Variants in CC2D2A observed in about 807,000 individuals in gnomAD.
CC2D2A encodes coiled-coil and C2 domain-containing protein 2A.
Under a neutral mutation model 212.9 loss-of-function variants are expected in CC2D2A, and 155 were observed. The observed-to-expected ratio is 0.73, with a 90% CI of 0.64 to 0.83. The LOEUF (loss-of-function observed/expected upper bound fraction) is 0.83, where lower values mean the gene tolerates loss of function less well. Ranked by LOEUF, CC2D2A falls within the 40% of genes least tolerant of loss-of-function variation. CC2D2A has a pLI of 0.00. For synonymous variants in CC2D2A, 667 were observed against 686.5 expected (o/e 0.97, Z 0.44); for missense variants, 1,856 against 1,956.2 (o/e 0.95, Z 0.97).
chr4:15,529,622 A>C (rs1236077203), intron 13 of CC2D2A, among the ~76,000 whole-genome samples: 10 of 152,064 alleles, frequency 6.6e-5, no homozygotes, highest in African/African-American at 2.4e-4. Context: ...CATGCTTTAA[A>C]GGCTGGAATT....
At chr4:15,556,732 G>A (rs560961198) in intron 20 of CC2D2A, among the ~76,000 whole-genome samples, 1 of 152,198 alleles carries the variant, frequency 6.6e-6, no homozygotes, top group African/African-American at 2.4e-5. Context: ...GCTTCTCAGA[G>A]GTGCCAGACT....
chr4:15,471,126 C>A (rs1713785779), intron 1 of CC2D2A, among the ~76,000 whole-genome samples: 1 of 152,114 alleles, frequency 6.6e-6, no homozygotes, highest in South Asian at 2.1e-4. Flanking sequence ...CTAAGGGAAA[C>A]TGCAGCTGGA....
chr4:15,537,752 C>T, intron 15 of CC2D2A, 147 bp from the exon 16 acceptor site: 1 of 745,796 alleles, frequency 1.3e-6, no homozygotes, highest in African/African-American at 1.8e-5. Flanking sequence ...ACAGAGAGGT[C>T]AGGTGGCTTA....
chr4:15,531,260 C>T (rs1210854216), intron 13 of CC2D2A, among the ~76,000 whole-genome samples: 4 of 152,184 alleles, frequency 2.6e-5, no homozygotes, highest in Non-Finnish European at 5.9e-5. Flanking sequence ...AATGGAACCT[C>T]TCAGCCTGCT....
chr4:15,533,221 C>T lies in CC2D2A; in HGVS notation c.1495C>T (p.Gln499Ter). 6.3e-7 allele frequency: 1 copy of T among 1,586,582 alleles called. No individual in the cohort carries two copies. Among genetic ancestry groups the T allele is most frequent in the Non-Finnish European group, 8.5e-7 (1 of 1,171,964 alleles). ...RQTRKFRDAE[Q>*]EKDRTLLKTI... ...AACAAGAAAATTCCGTGATGCTGAA[C>T]AAGAAAAAGATAGAACATTGCTTAA... is the stretch of plus-strand genomic sequence containing the variant. Residue 499 changes from glutamine to a stop codon, truncating the protein, a stop_gained, in exon 14 of 37, where the codon CAA becomes TAA. Coordinates refer to ENST00000424120, the MANE Select transcript of CC2D2A (RefSeq NM_001378615.1). LOFTEE classifies it high-confidence loss of function.
intron 35 of CC2D2A, among the ~76,000 whole-genome samples, chr4:15,599,176 A>G (rs4270584): frequency 0.38 from 57,136 of 151,916 alleles, 10,822 homozygotes; most frequent in South Asian, 0.46. Flanking sequence ...AAAATTAGTA[A>G]TAATAAACTT....
At chr4:15,584,339 T>G (rs1371141806) in intron 30 of CC2D2A, among the ~76,000 whole-genome samples, 2 of 151,926 alleles carry the variant, frequency 1.3e-5, no homozygotes, top group African/African-American at 2.4e-5. Context: ...AACCCAGAAA[T>G]AAGTCCATGC....
At chr4:15,538,496 T>C (rs1718257738) in intron 16 of CC2D2A, among the ~76,000 whole-genome samples, 1 of 152,166 alleles carries the variant, frequency 6.6e-6, no homozygotes, top group Non-Finnish European at 1.5e-5. Flanking sequence ...CAATGAGTCC[T>C]TCAGTCCACT....
chr4:15,515,691 T>C (rs372715494), intron 9 of CC2D2A, among the ~76,000 whole-genome samples, 177 bp from the exon 10 acceptor site: 1 of 152,242 alleles, frequency 6.6e-6, no homozygotes, highest in Non-Finnish European at 1.5e-5. Flanking sequence ...TTCTACAACA[T>C]ACTGCTACAA....
chr4:15,549,629 G>A (rs1198624301), intron 17 of CC2D2A, among the ~76,000 whole-genome samples: 3 of 152,080 alleles, frequency 2.0e-5, no homozygotes, highest in Non-Finnish European at 4.4e-5. Context: ...GTGGTGAAAC[G>A]CTGTCTCTAC....
At chr4:15,590,070 G>C (rs1422955597) in intron 33 of CC2D2A, among the ~76,000 whole-genome samples, 1 of 152,074 alleles carries the variant, frequency 6.6e-6, no homozygotes, top group Non-Finnish European at 1.5e-5. Flanking sequence ...GAACAGATTG[G>C]GTTTCTCTGT....
At chr4:15,599,797 C>G (rs1324202442) in intron 36 of CC2D2A, 91 bp downstream of exon 36, 1 of 965,522 alleles carries the variant, frequency 1.0e-6, no homozygotes, top group Non-Finnish European at 1.5e-6. Context: ...TCAAAAGACC[C>G]ACGTTGCTCC....
In CC2D2A at chr4:15,601,442, TTCTG is replaced by T. The variant is rs1247365981; in HGVS notation, c.*19_*22del. On this transcript the variant is annotated 3_prime_UTR_variant, in exon 37 of 37. Transcript: ENST00000424120. ...AACAGGTAATTTTTTTCACTGTACT[TTCTG>T]TATCATGTAAAAACTACACTTAGGA... The T allele has an allele frequency of 1.4e-6, 2 of 1,431,344 alleles. No individual in the cohort carries two copies. Among genetic ancestry groups the T allele is most frequent in the Non-Finnish European group, 9.3e-7 (1 of 1,080,488 alleles). 88.7% of individuals were successfully genotyped at this position (1,431,344 alleles called of 1,614,324 possible). A position where few individuals can be genotyped will look rare whatever the true frequency, so the allele number is the denominator to read the frequency against.
intron 36 of CC2D2A, among the ~76,000 whole-genome samples, chr4:15,600,458 T>TG (rs1560201342): frequency 1.3e-5 from 2 of 152,214 alleles, no homozygotes; most frequent in South Asian, 2.1e-4. Flanking sequence ...AAGCAAATGC[T>TG]GGAACACTTA....
intron 21 of CC2D2A, among the ~76,000 whole-genome samples, chr4:15,558,699 A>G (rs1158685031): frequency 1.3e-5 from 2 of 152,078 alleles, no homozygotes; most frequent in Non-Finnish European, 2.9e-5. Flanking sequence ...GGGCACACAC[A>G]TAATTTTGTT....
chr4:15,550,312 A>C (rs1157210200), intron 17 of CC2D2A, among the ~76,000 whole-genome samples: 5 of 152,188 alleles, frequency 3.3e-5, no homozygotes, highest in Non-Finnish European at 7.3e-5. Flanking sequence ...CTAACAAATA[A>C]AATGAGGCCT....
chr4:15,548,035 G>A (rs146190275), intron 17 of CC2D2A, among the ~76,000 whole-genome samples: 211 of 150,840 alleles, frequency 1.4e-3, no homozygotes, highest in African/African-American at 4.8e-3. Context: ...GCGAAACTCC[G>A]TATCCAAAAA....
intron 26 of CC2D2A, among the ~76,000 whole-genome samples, 153 bp downstream of exon 26, chr4:15,567,939 C>G (rs1264559554): frequency 6.6e-6 from 1 of 152,212 alleles, no homozygotes; most frequent in Non-Finnish European, 1.5e-5. Context: ...TGCTTTTCCT[C>G]TTGTACCACA....
intron 11 of CC2D2A, among the ~76,000 whole-genome samples, chr4:15,520,869 A>G (rs370917684): frequency 2.6e-5 from 4 of 152,284 alleles, no homozygotes; most frequent in South Asian, 4.1e-4. Flanking sequence ...GGTAACCTGG[A>G]CTAAGGAACT....
Sources: gnomAD v4.1 joint callset for allele counts (sites outside exome capture counted in the v4.1 genomes callset) on GRCh38, gnomAD v4.1.1 for gene constraint, MANE v1.5 for transcripts, NCBI Gene and HGNC (gene_info 2026-07-23, HGNC 2026-07-21) for gene names.